Variants in DGKB observed in about 807,000 individuals in gnomAD.
The protein encoded by DGKB is 90 kDa diacylglycerol kinase.
DGKB carries 67 observed loss-of-function variants against 114.3 expected under a neutral mutation model. The ratio of observed to expected loss-of-function variants is 0.59; its 90% CI spans 0.48 to 0.72. The LOEUF (loss-of-function observed/expected upper bound fraction) is 0.72, where lower values mean the gene tolerates loss of function less well. Ranked by LOEUF, DGKB falls within the 30% of genes least tolerant of loss-of-function variation. DGKB has a pLI of 0.00. For missense variants in DGKB, 907 were observed against 975.2 expected (o/e 0.93, Z 0.93); for synonymous variants, 398 against 323.1 (o/e 1.23, Z -2.49).
In DGKB at chr7:14,170,187, A is replaced by AAGAAAGAAAGAG. The variant is rs1359647226; in HGVS notation, c.2304+6651_2304+6652insCTCTTTCTTTCT. 4.7e-4 allele frequency among the ~76,000 whole-genome samples: 64 copies of AAGAAAGAAAGAG among 136,978 alleles called. 3 individuals are homozygous for AAGAAAGAAAGAG. Among genetic ancestry groups the AAGAAAGAAAGAG allele is most frequent in the African/African-American group, 1.5e-3 (54 of 35,168 alleles). 89.9% of individuals were successfully genotyped at this position (136,978 alleles called of 152,430 possible). Reference sequence around the variant, plus strand: ...AAAGAAAGAAAGAAAGAAAGAAAGAAAGAAAGAAAGAAAGAAATACATTAA... The same window carrying AAGAAAGAAAGAG: ...AAAGAAAGAAAGAAAGAAAGAAAGAAAGAAAGAAAGAGAGAAAGAAAGAAAGAAATACATTAA... On this transcript the variant is annotated intron_variant, in intron 25 of 25. Transcript: ENST00000402815.
At chr7:14,265,318 C>CTTTTTTTTTTTT (rs781569705) in intron 23 of DGKB, among the ~76,000 whole-genome samples, 910 of 67,690 alleles carry the variant, frequency 0.013, 63 homozygotes, top group East Asian at 0.035. Context: ...CTCTTGCATT[C>CTTTTTTTTTTTT]TTTTTTTTTT....
At chr7:14,206,948 T>A (rs113785348) in intron 23 of DGKB, among the ~76,000 whole-genome samples, 10 of 152,056 alleles carry the variant, frequency 6.6e-5, no homozygotes, top group African/African-American at 2.2e-4. Context: ...TATTAAGAAA[T>A]GTGAAGAAAA....
intron 4 of DGKB, among the ~76,000 whole-genome samples, chr7:14,745,786 C>T (rs1833195827): frequency 1.2e-5 from 1 of 81,216 alleles, no homozygotes; most frequent in Non-Finnish European, 2.3e-5. Flanking sequence ...TTCTGCCCTC[C>T]TCAGCCTTCA....
intron 2 of DGKB, among the ~76,000 whole-genome samples, chr7:14,822,067 G>A (rs1191387446): frequency 1.3e-5 from 2 of 152,154 alleles, no homozygotes; most frequent in Non-Finnish European, 2.9e-5. Context: ...GGGAGAGACA[G>A]AGATGTATTT....
intron 13 of DGKB, among the ~76,000 whole-genome samples, chr7:14,645,484 C>T (rs1812770640): frequency 1.3e-5 from 2 of 151,982 alleles, no homozygotes; most frequent in Non-Finnish European, 2.9e-5. Context: ...CAGCAAAGAG[C>T]CACTGGGTGC....
intron 1 of DGKB, among the ~76,000 whole-genome samples, chr7:14,888,866 G>A (rs1490419529): frequency 6.6e-6 from 1 of 151,632 alleles, no homozygotes; most frequent in Non-Finnish European, 1.5e-5. Flanking sequence ...TTTGGTAAGT[G>A]TAATATTTCC....
At chr7:14,295,966 C>G (rs1185865421) in intron 23 of DGKB, among the ~76,000 whole-genome samples, 1 of 151,510 alleles carries the variant, frequency 6.6e-6, no homozygotes, top group African/African-American at 2.4e-5. Context: ...GTTTGGTTTT[C>G]TATTCCTGTG....
chr7:14,360,151 A>C (rs1366436941), intron 21 of DGKB, among the ~76,000 whole-genome samples: 7 of 152,152 alleles, frequency 4.6e-5, no homozygotes, highest in African/African-American at 1.7e-4. Flanking sequence ...GGATGAGTTC[A>C]TGTCCTTTGC....
At chr7:14,447,643 C>G (rs1830907688) in intron 21 of DGKB, among the ~76,000 whole-genome samples, 2 of 151,962 alleles carry the variant, frequency 1.3e-5, no homozygotes, top group African/African-American at 4.8e-5. Flanking sequence ...ATCATTGCAT[C>G]CTAAAAGTAG....
intron 21 of DGKB, among the ~76,000 whole-genome samples, chr7:14,474,574 T>C (rs1303032353): frequency 1.3e-5 from 2 of 152,218 alleles, no homozygotes; most frequent in African/African-American, 4.8e-5. Flanking sequence ...TTTTCTAAAA[T>C]CATTATACGC....
At chr7:14,239,859 T>C (rs148330180) in intron 23 of DGKB, among the ~76,000 whole-genome samples, 243 of 152,202 alleles carry the variant, frequency 1.6e-3, no homozygotes, top group African/African-American at 5.7e-3. Flanking sequence ...ACTCTATCTA[T>C]CTATTATCAA....
At chr7:14,318,354 A>G (rs1226891377) in intron 23 of DGKB, among the ~76,000 whole-genome samples, 2 of 151,932 alleles carry the variant, frequency 1.3e-5, no homozygotes, top group African/African-American at 4.8e-5. Context: ...CAGGCAACCT[A>G]TAGAATGGGA....
At chr7:14,858,708 C>T (rs145975002) in intron 1 of DGKB, among the ~76,000 whole-genome samples, 312 of 152,136 alleles carry the variant, frequency 2.1e-3, no homozygotes, top group Non-Finnish European at 3.5e-3. Flanking sequence ...AAAGATCAAC[C>T]AGATCAGCAG....
At chr7:14,361,839 C>CA (rs1420330051) in intron 21 of DGKB, among the ~76,000 whole-genome samples, 1 of 151,984 alleles carries the variant, frequency 6.6e-6, no homozygotes, top group Non-Finnish European at 1.5e-5. Flanking sequence ...TTACCATCAA[C>CA]AAATAGCCAA....
intron 14 of DGKB, among the ~76,000 whole-genome samples, chr7:14,628,142 A>G (rs189832183): frequency 2.6e-5 from 4 of 152,230 alleles, no homozygotes; most frequent in Admixed American, 2.6e-4. Context: ...ACAGTGACTT[A>G]TTAGCCCTCA....
chr7:14,592,076 T>G (rs1046681392), intron 17 of DGKB, among the ~76,000 whole-genome samples: 3 of 151,754 alleles, frequency 2.0e-5, no homozygotes, highest in African/African-American at 7.2e-5. Flanking sequence ...ATAGATTAAG[T>G]ATATAAAATA....
intron 23 of DGKB, among the ~76,000 whole-genome samples, chr7:14,185,059 C>T (rs1016246084): frequency 1.3e-5 from 2 of 152,028 alleles, no homozygotes; most frequent in African/African-American, 4.8e-5. Flanking sequence ...AAAGGGCATC[C>T]AAATCGGTAA....
intron 23 of DGKB, among the ~76,000 whole-genome samples, chr7:14,307,367 A>G (rs76620343): frequency 6.6e-6 from 1 of 152,330 alleles, no homozygotes; most frequent in East Asian, 1.9e-4. Context: ...TGGTGTTATA[A>G]GCTTTCATCC....
intron 17 of DGKB, among the ~76,000 whole-genome samples, chr7:14,593,186 T>C (rs1428937691): frequency 1.3e-5 from 2 of 152,006 alleles, no homozygotes; most frequent in East Asian, 3.8e-4. Flanking sequence ...AAATCTTTTA[T>C]GCTTATGTGT....
Sources: gnomAD v4.1 joint callset for allele counts (sites outside exome capture counted in the v4.1 genomes callset) on GRCh38, gnomAD v4.1.1 for gene constraint, MANE v1.5 for transcripts, NCBI Gene and HGNC (gene_info 2026-07-23, HGNC 2026-07-21) for gene names.